CRACD: variants seen among roughly 807,000 people sequenced by gnomAD.
CRACD encodes capping protein-inhibiting regulator of actin dynamics.
CRACD carries 56 observed loss-of-function variants against 106.8 expected under a neutral mutation model. That is an observed-to-expected ratio of 0.52 (90% CI 0.42 to 0.66). CRACD has a LOEUF of 0.66. CRACD is among the 30% of genes least tolerant of loss of function. CRACD has a pLI of 0.00. For synonymous variants in CRACD, 754 were observed against 670.8 expected (o/e 1.12, Z -1.92); for missense variants, 1,730 against 1,623.2 (o/e 1.07, Z -1.13).
chr4:56,232,740 T>TTTATTTA (rs1560494535), intron 2 of CRACD, among the ~76,000 whole-genome samples: 1 of 43,328 alleles, frequency 2.3e-5, no homozygotes, highest in Non-Finnish European at 4.9e-5. Context: ...TTATTTATTT[T>TTTATTTA]TTGAGATGGA....
chr4:56,153,687 A>G (rs1735666248), intron 1 of CRACD, among the ~76,000 whole-genome samples: 1 of 152,134 alleles, frequency 6.6e-6, no homozygotes, highest in African/African-American at 2.4e-5. Flanking sequence ...AAAGTCCCCC[A>G]TGATCTGACT....
In CRACD at chr4:56,315,704, G is replaced by A; in HGVS notation, c.2202G>A (p.Glu734=). ...AWQKFSDGGT[E]TSKQSTEAES... ...AGAAATTTTCCGATGGTGGCACGGAGACCTCCAAACAGAGCACGGAAGCTG... is the reference window on the plus strand; with the variant it reads ...AGAAATTTTCCGATGGTGGCACGGAAACCTCCAAACAGAGCACGGAAGCTG... The change falls in exon 8 of 11, where the codon GAG becomes GAA. Residue 734 remains glutamate (E), a synonymous_variant. Coordinates refer to ENST00000682029, the MANE Select transcript of CRACD (RefSeq NM_001393381.1). The surrounding 1 kb of genome is among the most constrained non-coding windows in gnomAD (Gnocchi z 4.1). The A allele has an allele frequency of 1.2e-6, 2 of 1,614,220 alleles. No homozygotes were observed. The highest frequency in any genetic ancestry group is 1.7e-6 in the Non-Finnish European group (2 of 1,180,048).
intron 5 of CRACD, among the ~76,000 whole-genome samples, chr4:56,308,481 G>GA (rs1560529913): frequency 1.9e-5 from 2 of 105,512 alleles, no homozygotes; most frequent in African/African-American, 5.9e-5. Flanking sequence ...AAAAAAAAAT[G>GA]AAAAAACAAA....
intron 2 of CRACD, among the ~76,000 whole-genome samples, chr4:56,220,636 G>C (rs1738981165): frequency 6.6e-6 from 1 of 151,120 alleles, no homozygotes; most frequent in East Asian, 1.9e-4. Context: ...TTTTTTTTTG[G>C]AATTCCATTC....
intron 1 of CRACD, among the ~76,000 whole-genome samples, chr4:56,072,174 C>T (rs1337968169): frequency 6.6e-6 from 1 of 150,410 alleles, no homozygotes; most frequent in Non-Finnish European, 1.5e-5. Context: ...ACATTTGGGC[C>T]CAGATAAAGT....
At chr4:56,273,929 T>A (rs553100972) in intron 3 of CRACD, among the ~76,000 whole-genome samples, 1 of 152,322 alleles carries the variant, frequency 6.6e-6, no homozygotes, top group Non-Finnish European at 1.5e-5. Flanking sequence ...TGTCAGTAAG[T>A]AAATTCTAAT....
intron 8 of CRACD, among the ~76,000 whole-genome samples, chr4:56,321,499 G>T (rs1401904): frequency 0.53 from 80,443 of 152,090 alleles, 21,569 homozygotes; most frequent in Admixed American, 0.64. Context: ...AAGTTCAGAT[G>T]TAGTGTTTAG....
intron 8 of CRACD, among the ~76,000 whole-genome samples, chr4:56,317,771 C>A (rs1745777395): frequency 6.9e-6 from 1 of 144,790 alleles, no homozygotes; most frequent in South Asian, 2.4e-4. Context: ...CCTACCCTCA[C>A]CCAGCTCACC....
rs1298794296 is a variant in CRACD at position 56,152,253 on chromosome 4, G to A, written c.-335-27031G>A. 7.3e-5 allele frequency among the ~76,000 whole-genome samples: 11 copies of A among 151,248 alleles called. No homozygotes were observed. In the South Asian group the frequency reaches 1.0e-3, roughly 14 times the overall value. ...AGGATGGTCTCGATCTCCTGACCTC[G>A]TGATCCACCCGGCTCGGCCTCCCAA... is the stretch of plus-strand genomic sequence containing the variant. On this transcript the variant is annotated intron_variant, in intron 1 of 10. Coordinates refer to ENST00000682029, the MANE Select transcript of CRACD (RefSeq NM_001393381.1).
At chr4:56,310,326 T>C (rs1285776703) in intron 5 of CRACD, among the ~76,000 whole-genome samples, 3 of 152,062 alleles carry the variant, frequency 2.0e-5, no homozygotes, top group Non-Finnish European at 1.5e-5. Flanking sequence ...TTGGAGGCCA[T>C]GTATGAGACA....
chr4:56,130,322 C>T (rs1271141188), intron 1 of CRACD, among the ~76,000 whole-genome samples: 1 of 152,022 alleles, frequency 6.6e-6, no homozygotes, highest in Admixed American at 6.6e-5. Flanking sequence ...TCCTAAATCT[C>T]CAATTACTAA....
chr4:56,243,544 C>T (rs1467657865), intron 2 of CRACD, among the ~76,000 whole-genome samples: 2 of 152,148 alleles, frequency 1.3e-5, no homozygotes, highest in African/African-American at 4.8e-5. Flanking sequence ...TGGCTTTTTG[C>T]TCAAATACTG....
At chr4:56,281,253 C>T (rs1743021708) in intron 3 of CRACD, among the ~76,000 whole-genome samples, 1 of 151,998 alleles carries the variant, frequency 6.6e-6, no homozygotes, top group African/African-American at 2.4e-5. Flanking sequence ...CTATTGTGAA[C>T]TGTGCATGCG....
At chr4:56,254,488 C>G (rs1462556522) in intron 2 of CRACD, among the ~76,000 whole-genome samples, 1 of 151,700 alleles carries the variant, frequency 6.6e-6, no homozygotes, top group Non-Finnish European at 1.5e-5. Context: ...TATTATTTTC[C>G]TCAACCATGT....
intron 2 of CRACD, among the ~76,000 whole-genome samples, chr4:56,240,340 C>T (rs1740291865): frequency 1.3e-5 from 2 of 152,068 alleles, no homozygotes; most frequent in Admixed American, 1.3e-4. Context: ...TAGGGTACCA[C>T]AGAGAAATTC....
At chr4:56,150,513 G>C (rs1359767955) in intron 1 of CRACD, among the ~76,000 whole-genome samples, 2 of 152,092 alleles carry the variant, frequency 1.3e-5, no homozygotes, top group Non-Finnish European at 2.9e-5. Context: ...GCCAGCATCC[G>C]GAAACAACAC....
At chr4:56,304,729 C>A (rs1744579660) in intron 4 of CRACD, among the ~76,000 whole-genome samples, 1 of 151,994 alleles carries the variant, frequency 6.6e-6, no homozygotes, top group African/African-American at 2.4e-5. Flanking sequence ...CTGCAGTGAG[C>A]TATGATGGCA....
chr4:56,166,664 A>C (rs1223911588), intron 1 of CRACD, among the ~76,000 whole-genome samples: 1 of 99,620 alleles, frequency 1.0e-5, no homozygotes, highest in Admixed American at 1.3e-4. Context: ...AGACAGAGAG[A>C]CACTCTGTCT....
chr4:56,161,232 AAAT>A (rs1735939020), intron 1 of CRACD, among the ~76,000 whole-genome samples: 1 of 152,190 alleles, frequency 6.6e-6, no homozygotes, highest in African/African-American at 2.4e-5. Flanking sequence ...GAAAGGACTA[AAAT>A]AATATTTTGC....
Sources: allele counts gnomAD v4.1 joint callset (sites outside exome capture counted in the v4.1 genomes callset), GRCh38; gene constraint gnomAD v4.1.1; non-coding constraint Gnocchi (gnomAD v3.1); transcripts MANE v1.5; gene names NCBI Gene and HGNC (gene_info 2026-07-23, HGNC 2026-07-21).